The following GNB4 variants were observed in gnomAD, a reference collection of about 807,000 sequenced individuals.
GNB4 encodes the protein G protein subunit beta 4.
Under a neutral mutation model 45.2 loss-of-function variants are expected in GNB4, and 28 were observed. That is an observed-to-expected ratio of 0.62 (90% CI 0.46 to 0.85). The LOEUF (loss-of-function observed/expected upper bound fraction) is 0.85. Among genes scored for constraint, GNB4 ranks in the 40% least tolerant of loss-of-function variants. The pLI is 0.00. For missense variants in GNB4, 321 were observed against 425.4 expected, an observed-to-expected ratio of 0.75 and a Z score of 2.16; for synonymous variants, 132 against 143.7, an observed-to-expected ratio of 0.92 and a Z score of 0.58.
the GNB4 span, among the ~76,000 whole-genome samples, chr3:179,524,762 C>T: frequency 7.2e-5 from 11 of 151,988 alleles, no homozygotes; most frequent in East Asian, 3.9e-4. Context: ...AGAGCCTAAA[C>T]GCTAACTGAT....
chr3:179,508,809 A>G, the GNB4 span, among the ~76,000 whole-genome samples: 1 of 151,728 alleles, frequency 6.6e-6, no homozygotes, highest in African/African-American at 2.4e-5. Context: ...CGTAAAATTC[A>G]TGCATTAGAT....
intron 1 of GNB4, among the ~76,000 whole-genome samples, chr3:179,441,606 GC>G (rs1282283910): frequency 2.0e-5 from 3 of 151,806 alleles, no homozygotes; most frequent in Non-Finnish European, 2.9e-5. Flanking sequence ...ACAAAAATTA[GC>G]CAGGCTGGGT....
rs1714134216 is a variant in GNB4, at chr3:179,396,841, A to G, written c.*4372T>C. On this transcript the variant is annotated 3_prime_UTR_variant, in exon 10 of 10. Transcript: ENST00000232564. ...TATTATGTAACCAATATTTTAAAAT[A>G]TACACTGAATCTGAGGCAACCCAAA... The G allele has an allele frequency of 6.6e-6, 1 of 152,236 alleles. No individual in the cohort carries two copies. Among genetic ancestry groups the G allele is most frequent in the Non-Finnish European group, 1.5e-5 (1 of 68,028 alleles). The allele number at this position is 152,236 out of a possible 1,614,324, so 9.4% of individuals were successfully genotyped here. A position where few individuals can be genotyped will look rare whatever the true frequency, so the allele number is the denominator to read the frequency against.
At chr3:179,464,213 T>G in the GNB4 span, 1 of 387,298 alleles carries the variant, frequency 2.6e-6, no homozygotes, top group Non-Finnish European at 4.8e-6. Context: ...AATCCCAACG[T>G]TTTAGGAGGC....
chr3:179,464,828 G>A, the GNB4 span: 6 of 1,335,302 alleles, frequency 4.5e-6, no homozygotes, highest in Non-Finnish European at 6.5e-6. Flanking sequence ...TGTAATTAAT[G>A]CAGGGCGAAT....
the GNB4 span, among the ~76,000 whole-genome samples, chr3:179,475,868 T>C: frequency 5.3e-3 from 815 of 152,338 alleles, 10 homozygotes; most frequent in African/African-American, 0.019. Context: ...CCTCATGGCC[T>C]AATCAACTGT....
the GNB4 span, among the ~76,000 whole-genome samples, chr3:179,462,607 G>A: frequency 6.6e-6 from 1 of 152,100 alleles, no homozygotes; most frequent in Non-Finnish European, 1.5e-5. Context: ...GGGAGGCCGA[G>A]GCGGGCAAAT....
chr3:179,424,575 ATCTTTTCTTC>A (rs1335606932), intron 2 of GNB4, among the ~76,000 whole-genome samples: 1 of 152,044 alleles, frequency 6.6e-6, no homozygotes, highest in Admixed American at 6.6e-5. Flanking sequence ...GTTTTTACTA[ATCTTTTCTTC>A]TCTTTTCTTG....
chr3:179,497,613 G>A, the GNB4 span, among the ~76,000 whole-genome samples: 2 of 151,910 alleles, frequency 1.3e-5, no homozygotes, highest in Admixed American at 6.6e-5. Context: ...CTAATAGGGA[G>A]CTAACTTTCA....
At chr3:179,472,375 T>C in the GNB4 span, among the ~76,000 whole-genome samples, 1 of 149,580 alleles carries the variant, frequency 6.7e-6, no homozygotes, top group Non-Finnish European at 1.5e-5. Flanking sequence ...TCTTTCTTTT[T>C]TTTTTTTTTT....
At chr3:179,436,182 T>C (rs991413334) in intron 1 of GNB4, among the ~76,000 whole-genome samples, 23 of 152,174 alleles carry the variant, frequency 1.5e-4, no homozygotes, top group Non-Finnish European at 2.6e-4. Context: ...GTAGATCGCC[T>C]GAGGCAGGGA....
At chr3:179,519,088 C>T in the GNB4 span, among the ~76,000 whole-genome samples, 12 of 152,206 alleles carry the variant, frequency 7.9e-5, no homozygotes, top group Admixed American at 1.3e-4. Flanking sequence ...ACACCTAAAC[C>T]GCAGTGGCCA....
chr3:179,497,210 C>T, the GNB4 span, among the ~76,000 whole-genome samples: 2 of 152,008 alleles, frequency 1.3e-5, no homozygotes, highest in African/African-American at 2.4e-5. Flanking sequence ...ACTCTTACAT[C>T]GTCATCTAGT....
the GNB4 span, among the ~76,000 whole-genome samples, chr3:179,501,749 A>G: frequency 6.6e-6 from 1 of 152,290 alleles, no homozygotes; most frequent in East Asian, 1.9e-4. Context: ...TCTCAGGTCA[A>G]AAACTTGATA....
At chr3:179,504,903 G>T in the GNB4 span, among the ~76,000 whole-genome samples, 1 of 152,202 alleles carries the variant, frequency 6.6e-6, no homozygotes, top group East Asian at 1.9e-4. Flanking sequence ...GGGAACAGTT[G>T]TGGGGTCAGC....
intron 2 of GNB4, among the ~76,000 whole-genome samples, chr3:179,424,112 C>T (rs983849281): frequency 1.3e-5 from 2 of 152,190 alleles, no homozygotes; most frequent in African/African-American, 4.8e-5. Flanking sequence ...CAGAACACAC[C>T]TGGTCTGAAT....
At chr3:179,405,079 G>C in intron 9 of GNB4, 111 bp downstream of exon 9, 1 of 687,262 alleles carries the variant, frequency 1.5e-6, no homozygotes, top group East Asian at 2.7e-5. Context: ...AGAACCATCG[G>C]GTTACCACTT....
the GNB4 span, among the ~76,000 whole-genome samples, chr3:179,495,961 G>A: frequency 1.3e-5 from 2 of 152,154 alleles, no homozygotes; most frequent in Admixed American, 1.3e-4. Flanking sequence ...AGTTCTTCAG[G>A]CTGAAACAAA....
chr3:179,444,180 T>C (rs1715661776), intron 1 of GNB4, among the ~76,000 whole-genome samples: 1 of 152,210 alleles, frequency 6.6e-6, no homozygotes. Flanking sequence ...AACCTATCTC[T>C]ATTTTCTTTA....
Sources: allele counts gnomAD v4.1 joint callset (sites outside exome capture counted in the v4.1 genomes callset), GRCh38; gene constraint gnomAD v4.1.1; transcripts MANE v1.5; gene names NCBI Gene and HGNC (gene_info 2026-07-23, HGNC 2026-07-21).